The following LURAP1L variants were observed in gnomAD, a reference collection of about 807,000 sequenced individuals.
LURAP1L encodes leucine rich adaptor protein 1 like.
LURAP1L carries 12 observed loss-of-function variants against 13.8 expected under a neutral mutation model. That is an observed-to-expected ratio of 0.87 (90% CI 0.56 to 1.41). The LOEUF (loss-of-function observed/expected upper bound fraction) is 1.41, where lower values mean the gene tolerates loss of function less well. Ranked by LOEUF, LURAP1L falls within the 40% of genes most tolerant of loss-of-function variation. The pLI is 0.00. For missense variants in LURAP1L, 375 were observed against 292.9 expected (o/e 1.28, Z -2.04); for synonymous variants, 139 against 119.2 (o/e 1.17, Z -1.08).
chr9:12,794,913 G>A (rs1056109224), intron 1 of LURAP1L, among the ~76,000 whole-genome samples: 5 of 151,790 alleles, frequency 3.3e-5, no homozygotes, highest in African/African-American at 1.2e-4. Context: ...TGTATTTCAC[G>A]TTACTTAACT....
At chr9:12,794,642 T>G (rs1179233860) in intron 1 of LURAP1L, among the ~76,000 whole-genome samples, 1 of 152,058 alleles carries the variant, frequency 6.6e-6, no homozygotes. Flanking sequence ...TTGCTACAAT[T>G]AAACACTGAT....
At chr9:12,810,796 TA>T (rs1034760291) in intron 1 of LURAP1L, among the ~76,000 whole-genome samples, 3 of 152,166 alleles carry the variant, frequency 2.0e-5, no homozygotes, top group Non-Finnish European at 4.4e-5. Context: ...GATCACCACT[TA>T]CAGCTAGTGA....
At chr9:12,812,523 AAAGT>A (rs1172292682) in intron 1 of LURAP1L, among the ~76,000 whole-genome samples, 1 of 152,210 alleles carries the variant, frequency 6.6e-6, no homozygotes, top group African/African-American at 2.4e-5. Context: ...AAAATTTTAC[AAAGT>A]AAGTTTACTA....
intron 1 of LURAP1L, among the ~76,000 whole-genome samples, chr9:12,814,805 G>A (rs1186809572): frequency 2.0e-5 from 3 of 152,100 alleles, no homozygotes; most frequent in African/African-American, 4.8e-5. Flanking sequence ...TTTCTATAAC[G>A]TTCTGGGAAA....
intron 1 of LURAP1L, among the ~76,000 whole-genome samples, chr9:12,807,094 AATATATAT>A (rs71329889): frequency 2.6e-5 from 3 of 116,168 alleles, no homozygotes; most frequent in East Asian, 3.0e-4. Context: ...TCTCTACTAA[AATATATAT>A]ATATATATAT....
intron 1 of LURAP1L, among the ~76,000 whole-genome samples, chr9:12,795,897 T>A (rs1243249409): frequency 6.6e-6 from 1 of 151,994 alleles, no homozygotes; most frequent in Non-Finnish European, 1.5e-5. Flanking sequence ...ACATACACAG[T>A]AAAATTAAAA....
At chr9:12,778,089 G>T (rs537614910) in intron 1 of LURAP1L, among the ~76,000 whole-genome samples, 1 of 152,134 alleles carries the variant, frequency 6.6e-6, no homozygotes, top group Admixed American at 6.5e-5. Context: ...CGCATTTGTT[G>T]TTGTTTTTTG....
rs1161563173 is a variant in LURAP1L at position 12,822,093 on chromosome 9, G to C, written c.*333G>C. ...GGTCAGGGATTACAAGAAAAACTTTGCTAAATTTTACAATAAACCAAAGTC... is the reference window on the plus strand; with the variant it reads ...GGTCAGGGATTACAAGAAAAACTTTCCTAAATTTTACAATAAACCAAAGTC... On this transcript the variant is annotated 3_prime_UTR_variant, in exon 2 of 2. Coordinates refer to ENST00000319264, the MANE Select transcript of LURAP1L (RefSeq NM_203403.2). 1 of 203,200 alleles carries C rather than the reference G, an allele frequency of 4.9e-6. No homozygotes were observed. Among genetic ancestry groups the C allele is most frequent in the Non-Finnish European group, 1.0e-5 (1 of 100,108 alleles). The allele number at this position is 203,200 out of a possible 1,614,324, so 12.6% of individuals were successfully genotyped here.
intron 1 of LURAP1L, among the ~76,000 whole-genome samples, chr9:12,809,090 C>T (rs1015867481): frequency 6.6e-6 from 1 of 152,092 alleles, no homozygotes; most frequent in Non-Finnish European, 1.5e-5. Context: ...TTTTAAACAA[C>T]CAGGACTCAC....
intron 1 of LURAP1L, among the ~76,000 whole-genome samples, chr9:12,814,843 G>C (rs981049649): frequency 5.3e-5 from 8 of 152,142 alleles, no homozygotes; most frequent in Non-Finnish European, 1.0e-4. Context: ...TTATTGTTCA[G>C]TTCCACATAT....
At chr9:12,802,964 A>G (rs1819607184) in intron 1 of LURAP1L, among the ~76,000 whole-genome samples, 1 of 152,136 alleles carries the variant, frequency 6.6e-6, no homozygotes, top group South Asian at 2.1e-4. Flanking sequence ...GATCACCCAT[A>G]CCCATCTGAC....
Position 12,822,025 on chromosome 9 carries a change from A to G in LURAP1L, c.*265A>G. The G allele has an allele frequency of 2.9e-6, 1 of 344,164 alleles. No individual in the cohort carries two copies. The highest frequency in any genetic ancestry group is 5.2e-6 in the Non-Finnish European group (1 of 191,092). The allele number at this position is 344,164 out of a possible 1,614,324, so 21.3% of individuals were successfully genotyped here. On this transcript the variant is annotated 3_prime_UTR_variant, in exon 2 of 2. Transcript: ENST00000319264. ...AGCACAAACAAAGTAGGGGGAAAAG[A>G]ATAAGCAATAATTATGTTTTTGCTT...
intron 1 of LURAP1L, among the ~76,000 whole-genome samples, chr9:12,801,757 G>C (rs1015254185): frequency 2.0e-5 from 3 of 152,108 alleles, no homozygotes; most frequent in African/African-American, 7.2e-5. Context: ...GTTCCAAAAA[G>C]GGAGAATAAC....
intron 1 of LURAP1L, among the ~76,000 whole-genome samples, chr9:12,791,640 G>A (rs1366564113): frequency 2.1e-5 from 3 of 145,562 alleles, no homozygotes; most frequent in Admixed American, 7.0e-5. Context: ...ATTCTCCCCC[G>A]CCCTCCTCTC....
At chr9:12,782,684 G>A (rs995857908) in intron 1 of LURAP1L, among the ~76,000 whole-genome samples, 98 of 152,096 alleles carry the variant, frequency 6.4e-4, no homozygotes, top group African/African-American at 2.3e-3. Flanking sequence ...TTTTGCTCTG[G>A]ATGACTTTGG....
rs374048758 is a variant in LURAP1L, at chr9:12,788,187, G to GAAAGAAAGAAAGA, written c.312+12167_312+12168insGAAAGAAAAGAAA. Among the ~76,000 whole-genome samples the GAAAGAAAGAAAGA allele has an allele frequency of 3.5e-3, 472 of 136,610 alleles. 2 individuals are homozygous for GAAAGAAAGAAAGA. Among genetic ancestry groups the GAAAGAAAGAAAGA allele is most frequent in the African/African-American group, 0.012 (447 of 37,354 alleles). The allele number at this position is 136,610 out of a possible 152,430, so 89.6% of individuals were successfully genotyped here. ...AGAAAGAAAGAAAGAAAGAAAGAAA[G>GAAAGAAAGAAAGA]AAAGAAAAGAAAAGAAAAGAAAAGC... On this transcript the variant is annotated intron_variant, in intron 1 of 1. Coordinates refer to ENST00000319264, the MANE Select transcript of LURAP1L (RefSeq NM_203403.2).
rs998862452 is a variant in LURAP1L, at chr9:12,821,946, T to G, written c.*186T>G. On this transcript the variant is annotated 3_prime_UTR_variant, in exon 2 of 2. Transcript: ENST00000319264. ...TCATCTGAGCTGATTTATTTTTCTC[T>G]GTTACATCTCTATTTTTTATTTATT... is the stretch of plus-strand genomic sequence containing the variant. 1.6e-5 allele frequency: 9 copies of G among 562,906 alleles called. No homozygotes were observed. The highest frequency in any genetic ancestry group is 2.4e-5 in the Non-Finnish European group (8 of 339,494). 34.9% of individuals were successfully genotyped at this position (562,906 alleles called of 1,614,324 possible). A position where few individuals can be genotyped will look rare whatever the true frequency, so the allele number is the denominator to read the frequency against.
At chr9:12,788,879 A>G (rs1467355861) in intron 1 of LURAP1L, among the ~76,000 whole-genome samples, 5 of 150,528 alleles carry the variant, frequency 3.3e-5, no homozygotes, top group African/African-American at 1.2e-4. Context: ...CTGGGCAACA[A>G]AGCGAGACCC....
Position 12,775,844 on chromosome 9 carries a change from C to CG in LURAP1L, c.135dup (p.Ser46GlufsTer13), listed in dbSNP as rs776154291. ...CCAGGGAAAGGGACAGGGACCCCTG[C>CG]GGGGGGAGCGGTGGTGGTGGCGGCG... On this transcript the variant is annotated frameshift_variant, in exon 1 of 2. Transcript: ENST00000319264. LOFTEE classifies it high-confidence loss of function. The CG allele has an allele frequency of 3.8e-6, 6 of 1,581,176 alleles. No individual in the cohort carries two copies. Among genetic ancestry groups the CG allele is most frequent in the African/African-American group, 2.9e-5 (2 of 69,636 alleles).
Sources: gnomAD v4.1 joint callset for allele counts (sites outside exome capture counted in the v4.1 genomes callset) on GRCh38, gnomAD v4.1.1 for gene constraint, MANE v1.5 for transcripts, NCBI Gene and HGNC (gene_info 2026-07-23, HGNC 2026-07-21) for gene names.